TBX1: variants seen among roughly 807,000 people sequenced by gnomAD.
TBX1 encodes the protein T-box transcription factor TBX1.
TBX1 carries 16 observed loss-of-function variants against 40.8 expected under a neutral mutation model. That is an observed-to-expected ratio of 0.39 (90% confidence interval 0.27 to 0.60). TBX1 has a LOEUF of 0.60. Ranked by LOEUF, TBX1 falls within the 20% of genes least tolerant of loss-of-function variation. TBX1 has a pLI of 0.51. For missense variants in TBX1, 755 were observed against 728.5 expected (o/e 1.04, Z -0.42); for synonymous variants, 403 against 336.8 (o/e 1.20, Z -2.15).
At chr22:19,767,466 G>T, downstream of TBX1, 1 of 863,484 alleles carries the variant, frequency 1.2e-6, no homozygotes, top group East Asian at 1.2e-4. Flanking sequence ...GTCGGTCCCG[G>T]TCCCACAGCG....
At chr22:19,765,374 T>C (rs548096308) in intron 4 of TBX1, among the ~76,000 whole-genome samples, 2 of 152,204 alleles carry the variant, frequency 1.3e-5, no homozygotes, top group East Asian at 3.9e-4. Flanking sequence ...TCCGAACCAT[T>C]CCGGAAACTC....
At position 19,767,273 on chromosome 22, in the gene TBX1, C is replaced by T. The variant is rs1936897169; in HGVS notation, c.*406C>T. On this transcript the variant is annotated 3_prime_UTR_variant, in exon 7 of 7. Coordinates refer to ENST00000649276, the MANE Select transcript of TBX1 (RefSeq NM_001379200.1). ...CAGGCGGTGTAGATACATGTAGATA[C>T]TGTAGATACTGTAGATACCGCCCCG... 1 of 1,001,370 alleles carries T rather than the reference C, an allele frequency of 1.0e-6. No individual in the cohort carries two copies. Among genetic ancestry groups the T allele is most frequent in the Non-Finnish European group, 1.2e-6 (1 of 840,712 alleles). 62.0% of individuals were successfully genotyped at this position (1,001,370 alleles called of 1,614,324 possible).
chr22:19,771,719 G>T (rs1303722165), downstream of TBX1, among the ~76,000 whole-genome samples: 2 of 152,146 alleles, frequency 1.3e-5, no homozygotes, highest in African/African-American at 4.8e-5. Flanking sequence ...CAGTTCTGAG[G>T]TGCACAGGGT....
chr22:19,766,464 C>T lies in TBX1; in HGVS notation c.1112C>T (p.Pro371Leu). 7.5e-7 allele frequency: 1 copy of T among 1,328,826 alleles called. No individual in the cohort carries two copies. The highest frequency in any genetic ancestry group is 9.7e-7 in the Non-Finnish European group (1 of 1,032,390). The allele number at this position is 1,328,826 out of a possible 1,614,324, so 82.3% of individuals were successfully genotyped here. Residue 371 changes from proline to leucine, a missense_variant, in exon 7 of 7, where the codon CCG (proline) becomes CTG (leucine). Physicochemically the swap from Pro to Leu is moderately conservative, Grantham distance 98. Coordinates refer to ENST00000649276, the MANE Select transcript of TBX1 (RefSeq NM_001379200.1). ...PAVLGDPAHP[P>L]QLLARVLSPS... is the part of the protein sequence containing the mutation. ...GTGCTCGGGGACCCGGCGCATCCTC[C>T]GCAGCTGCTGGCCCGGGTGCTAAGC...
chr22:19,783,398 C>A, downstream of TBX1: 1 of 335,798 alleles, frequency 3.0e-6, no homozygotes, highest in Non-Finnish European at 5.8e-6. Context: ...GCCACCTGCA[C>A]AGCTGGATGG....
At chr22:19,762,622 T>C (rs1936705672) in intron 1 of TBX1, among the ~76,000 whole-genome samples, 1 of 151,952 alleles carries the variant, frequency 6.6e-6, no homozygotes, top group African/African-American at 2.4e-5. Context: ...GGGTTATGTG[T>C]CTTAAGGGGA....
chr22:19,766,069 G>A, intron 6 of TBX1, 67 bp downstream of exon 6: 1 of 1,298,186 alleles, frequency 7.7e-7, no homozygotes, highest in Admixed American at 3.5e-5. Flanking sequence ...CGGCGGCCTC[G>A]CCCGACCTCG....
At chr22:19,759,393 A>T, upstream of TBX1, 1 of 784,914 alleles carries the variant, frequency 1.3e-6, no homozygotes, top group Non-Finnish European at 1.5e-6. Context: ...GAGTGGCACC[A>T]CAGGCCCCCG....
chr22:19,774,849 G>A (rs2145848028), intron 8 of TBX1, among the ~76,000 whole-genome samples: 1 of 152,298 alleles, frequency 6.6e-6, no homozygotes, highest in African/African-American at 2.4e-5. Flanking sequence ...GTCTAGTGGG[G>A]ACAGAGGTTC....
In TBX1 at chr22:19,778,591, T is replaced by G. The variant is rs575053427; in HGVS notation, c.1010-629T>G. On this transcript the variant is annotated intron_variant, in intron 8 of 8. Coordinates refer to the TBX1 transcript ENST00000329705. The stretch of plus-strand genomic sequence containing the variant: ...CTGGGATTACAGGCATGCGCCACCA[T>G]GCCTGGCTAATTTTTGTATTTTCAG... Among the ~76,000 whole-genome samples the G allele has an allele frequency of 7.9e-5, 12 of 151,708 alleles. No homozygotes were observed. The East Asian group carries it at 2.4e-3, about 30-fold the overall frequency.
Position 19,766,665 on chromosome 22 carries a change from C to T in TBX1, c.1313C>T (p.Ala438Val). ...GCCGCCTACGACCACTATCTCGGGGCCAAGAGCCGGCCGGCGCCCTACCCG... is the reference window on the plus strand; with the variant it reads ...GCCGCCTACGACCACTATCTCGGGGTCAAGAGCCGGCCGGCGCCCTACCCG... ...PAAAYDHYLG[A>V]KSRPAPYPLP... Residue 438 changes from alanine (A) to valine (V), a missense_variant, in exon 7 of 7, where the codon GCC becomes GTC. Physicochemically the swap from Ala to Val is moderately conservative, Grantham distance 64. Around this residue, in one of 3 missense-constraint regions of TBX1, gnomAD observed 412 missense variants for 317.6 expected, o/e 1.30. Coordinates refer to ENST00000649276, the MANE Select transcript of TBX1 (RefSeq NM_001379200.1). 6.4e-7 allele frequency: 1 copy of T among 1,551,972 alleles called. No individual in the cohort carries two copies. Among genetic ancestry groups the T allele is most frequent in the South Asian group, 1.2e-5 (1 of 86,544 alleles).
At chr22:19,767,398 GC>G, downstream of TBX1, 1 of 986,114 alleles carries the variant, frequency 1.0e-6, no homozygotes, top group Non-Finnish European at 1.2e-6. Context: ...GGGACAGCGA[GC>G]CCGGGGTAGC....
At chr22:19,758,715 CG>C, upstream of TBX1, among the ~76,000 whole-genome samples, 1 of 152,210 alleles carries the variant, frequency 6.6e-6, no homozygotes, top group Middle Eastern at 3.4e-3. Context: ...GTCGGAGGAG[CG>C]GGCACTGCCC....
downstream of TBX1, among the ~76,000 whole-genome samples, chr22:19,781,614 A>C (rs1186431235): frequency 6.6e-6 from 1 of 152,036 alleles, no homozygotes; most frequent in Non-Finnish European, 1.5e-5. Context: ...CCAAGAATTT[A>C]TTGCTAAATT....
chr22:19,772,629 G>GT (rs201034904), intron 8 of TBX1, among the ~76,000 whole-genome samples: 1,757 of 151,730 alleles, frequency 0.012, 26 homozygotes, highest in South Asian at 0.044. Context: ...TTCTCAAATA[G>GT]TTTTTTTTTC....
At chr22:19,763,772 G>C in intron 2 of TBX1, 1 of 401,440 alleles carries the variant, frequency 2.5e-6, no homozygotes. Context: ...CAGCTGCCCG[G>C]ACAATTAACA....
chr22:19,783,138 C>T (rs1427462362), downstream of TBX1: 5 of 722,510 alleles, frequency 6.9e-6, no homozygotes, highest in African/African-American at 3.5e-5. Context: ...GCCATCACCC[C>T]GTGGAGTAGA....
At chr22:19,765,867 C>T (rs1936817827) in intron 5 of TBX1, 35 bp from the exon 6 acceptor site, 2 of 1,563,104 alleles carry the variant, frequency 1.3e-6, no homozygotes, top group Non-Finnish European at 8.7e-7. Flanking sequence ...GGGCGCCTGG[C>T]GCAGGCGCCG....
At chr22:19,768,541 G>C (rs1175623450), downstream of TBX1, among the ~76,000 whole-genome samples, 4 of 152,164 alleles carry the variant, frequency 2.6e-5, no homozygotes, top group Non-Finnish European at 4.4e-5. Flanking sequence ...ATGCATTTGG[G>C]GGGACGGCTG....
Sources: gnomAD v4.1 joint callset for allele counts (sites outside exome capture counted in the v4.1 genomes callset) on GRCh38, gnomAD v4.1.1 for gene constraint, gnomAD v4.1.1 regional missense constraint, MANE v1.5 for transcripts, NCBI Gene and HGNC (gene_info 2026-07-23, HGNC 2026-07-21) for gene names.